MANBA: variants seen among roughly 807,000 people sequenced by gnomAD.
MANBA encodes the protein beta-mannosidase.
A neutral mutation model predicts 111.1 loss-of-function variants in MANBA; 83 were observed. The observed-to-expected ratio is 0.75, with a 90% confidence interval of 0.63 to 0.90. MANBA has a LOEUF of 0.90. MANBA is among the 40% of genes least tolerant of loss of function. MANBA has a pLI of 0.00. For synonymous variants in MANBA, 370 were observed against 378.7 expected (o/e 0.98, Z 0.27); for missense variants, 1,036 against 1,069.0 (o/e 0.97, Z 0.43).
rs1362103876 is a variant in MANBA, at chr4:102,671,080, A to C, written c.1230+201T>G. The stretch of plus-strand genomic sequence containing the variant: ...TACTGGGATATAAATAATTTACAGG[A>C]TATCTATCATTTAAAAATAAATAAT... On this transcript the variant is annotated intron_variant, in intron 9 of 16. Transcript: ENST00000647097. 5 of 492,114 alleles carry C rather than the reference A, an allele frequency of 1.0e-5. No individual in the cohort carries two copies. The East Asian group carries it at 1.9e-4, about 18-fold the overall frequency. 30.5% of individuals were successfully genotyped at this position (492,114 alleles called of 1,614,324 possible). A position where few individuals can be genotyped will look rare whatever the true frequency, so the allele number is the denominator to read the frequency against.
intron 1 of MANBA, chr4:102,729,224 G>T: frequency 1.4e-6 from 1 of 735,820 alleles, no homozygotes; most frequent in Non-Finnish European, 2.5e-6. Flanking sequence ...TCAGCCTGGA[G>T]CTGGCTGATG....
intron 1 of MANBA, among the ~76,000 whole-genome samples, chr4:102,756,277 T>C (rs1005251988): frequency 3.9e-5 from 6 of 152,214 alleles, no homozygotes; most frequent in African/African-American, 1.4e-4. Flanking sequence ...ATATACACCA[T>C]GGAATACCTT....
rs1280579773 is a variant in MANBA, at chr4:102,632,294, A to T, written c.2416-13T>A. ...GAGAGATGATGGCCTGAAAAAGAAA[A>T]AAAAAAATGAATGAAGTGAAGGATG... On this transcript the variant is annotated splice_polypyrimidine_tract_variant and intron_variant, in intron 16 of 16. Transcript: ENST00000647097. 6.4e-7 allele frequency: 1 copy of T among 1,561,336 alleles called. No homozygotes were observed. The highest frequency in any genetic ancestry group is 1.1e-5 in the South Asian group (1 of 89,930).
intron 12 of MANBA, among the ~76,000 whole-genome samples, chr4:102,655,587 T>TG (rs1730524541): frequency 6.6e-6 from 1 of 152,238 alleles, no homozygotes; most frequent in Non-Finnish European, 1.5e-5. Flanking sequence ...TTGGAACAAC[T>TG]GGCTATACAC....
At chr4:102,719,017 G>A (rs1722461480) in intron 4 of MANBA, among the ~76,000 whole-genome samples, 1 of 152,196 alleles carries the variant, frequency 6.6e-6, no homozygotes, top group Non-Finnish European at 1.5e-5. Context: ...ACATTGTCTT[G>A]ATAAGCATCT....
intron 7 of MANBA, among the ~76,000 whole-genome samples, chr4:102,677,971 C>A (rs1018777086): frequency 2.0e-5 from 3 of 151,966 alleles, no homozygotes; most frequent in Non-Finnish European, 2.9e-5. Flanking sequence ...GTACATATAA[C>A]CCATATAAAC....
At chr4:102,745,557 CT>C (rs1449062157) in intron 1 of MANBA, among the ~76,000 whole-genome samples, 1 of 152,204 alleles carries the variant, frequency 6.6e-6, no homozygotes, top group African/African-American at 2.4e-5. Flanking sequence ...TCTCCCTAAA[CT>C]TTTGGATCCC....
intron 5 of MANBA, among the ~76,000 whole-genome samples, chr4:102,695,571 C>T (rs755169759): frequency 3.3e-5 from 5 of 152,060 alleles, no homozygotes; most frequent in Admixed American, 6.6e-5. Flanking sequence ...GGAAAAGAAC[C>T]ACAAAATGTT....
At chr4:102,705,866 G>A (rs763720209) in intron 5 of MANBA, among the ~76,000 whole-genome samples, 32 of 152,244 alleles carry the variant, frequency 2.1e-4, no homozygotes, top group South Asian at 6.2e-4. Context: ...CTCCTCCCAG[G>A]AGCCTGAGGA....
At chr4:102,754,506 G>C (rs1723930944) in intron 1 of MANBA, among the ~76,000 whole-genome samples, 1 of 151,994 alleles carries the variant, frequency 6.6e-6, no homozygotes, top group African/African-American at 2.4e-5. Flanking sequence ...ATGCAGGTAA[G>C]AGCATCACAA....
chr4:102,739,723 G>A (rs949846346), intron 1 of MANBA, among the ~76,000 whole-genome samples: 4 of 152,180 alleles, frequency 2.6e-5, no homozygotes, highest in African/African-American at 9.7e-5. Context: ...TGCAGAAAAA[G>A]CATTTGACAG....
intron 5 of MANBA, among the ~76,000 whole-genome samples, chr4:102,713,672 C>A (rs565131236): frequency 6.6e-6 from 1 of 152,070 alleles, no homozygotes. Flanking sequence ...GAGGCTGAGG[C>A]GGGCAGATCA....
intron 1 of MANBA, chr4:102,728,839 G>A (rs1722913183): frequency 2.2e-6 from 2 of 893,962 alleles, no homozygotes; most frequent in Admixed American, 1.8e-5. Flanking sequence ...TGCTGGTGCG[G>A]CTGAAGGAGC....
In MANBA at chr4:102,709,257, AAG is replaced by A. The variant is rs200387187; in HGVS notation, c.673+5179_673+5180del. Among the ~76,000 whole-genome samples the A allele has an allele frequency of 2.3e-3, 328 of 140,454 alleles. 3 individuals carry two copies. The highest frequency in any genetic ancestry group is 2.1e-3 in the African/African-American group (80 of 38,040). The allele number at this position is 140,454 out of a possible 152,430, so 92.1% of individuals were successfully genotyped here. Reference sequence around the variant, plus strand: ...GAAAAAAGAAAGGAAGAAAGAAAGAAAGAGAGAGAGAGAAAGAAAAGAAAGAA... The same window carrying A: ...GAAAAAAGAAAGGAAGAAAGAAAGAAAGAGAGAGAGAAAGAAAAGAAAGAA... On this transcript the variant is annotated intron_variant, in intron 5 of 16. Transcript: ENST00000647097.
rs79869985 is a variant in MANBA, at chr4:102,677,510, G to T, written c.961-3440C>A. Among the ~76,000 whole-genome samples the T allele has an allele frequency of 9.6e-3, 1,454 of 152,168 alleles. 22 individuals are homozygous for T. Among genetic ancestry groups the T allele is most frequent in the African/African-American group, 0.032 (1,337 of 41,520 alleles). On this transcript the variant is annotated intron_variant, in intron 7 of 16. Transcript: ENST00000647097. ...TATATTACAATATCACATAATATGG[G>T]TAAAGAATTCACACAAAGTGCAAGA...
At chr4:102,716,040 T>G (rs1450511164) in intron 4 of MANBA, among the ~76,000 whole-genome samples, 1 of 152,082 alleles carries the variant, frequency 6.6e-6, no homozygotes, top group Non-Finnish European at 1.5e-5. Context: ...CCGGGCGCAG[T>G]GGCTCACGCA....
chr4:102,755,417 A>T (rs1264368779), intron 1 of MANBA, among the ~76,000 whole-genome samples: 3 of 152,312 alleles, frequency 2.0e-5, no homozygotes, highest in South Asian at 2.1e-4. Flanking sequence ...TGGCTAGCCA[A>T]ATGTAGAAAG....
At chr4:102,691,583 G>A (rs944090578) in intron 5 of MANBA, among the ~76,000 whole-genome samples, 4 of 148,078 alleles carry the variant, frequency 2.7e-5, no homozygotes, top group African/African-American at 1.0e-4. Flanking sequence ...ATAGCTCACT[G>A]TAGCTTTGAA....
At position 102,635,952 on chromosome 4, in the gene MANBA, T is replaced by C. The variant is rs983430522; in HGVS notation, c.2070A>G (p.Pro690=). The C allele has an allele frequency of 4.3e-6, 7 of 1,612,854 alleles. No individual in the cohort carries two copies. The highest frequency in any genetic ancestry group is 5.1e-6 in the Non-Finnish European group (6 of 1,178,814). The stretch of plus-strand genomic sequence containing the variant: ...CATTCTCAAAGCCTACTGGCAACAG[T>C]GGAGCAAAGAAATTCTGAGCAAAGT... ...LHYFAQNFFA[P]LLPVGFENEN... Residue 690 remains proline (P), a synonymous_variant, in exon 15 of 17, where the codon CCA becomes CCG. Transcript: ENST00000647097.
Sources: gnomAD v4.1 joint callset for allele counts (sites outside exome capture counted in the v4.1 genomes callset) on GRCh38, gnomAD v4.1.1 for gene constraint, MANE v1.5 for transcripts, NCBI Gene and HGNC (gene_info 2026-07-23, HGNC 2026-07-21) for gene names.